Variants in MYO3B observed in about 807,000 individuals in gnomAD.
The protein encoded by MYO3B is myosin IIIB, also known as myosin-IIIb.
In MYO3B, 156 loss-of-function variants were observed where a neutral mutation model predicts 174.6. That is an observed-to-expected ratio of 0.89 (90% confidence interval 0.78 to 1.02). MYO3B has a LOEUF of 1.02. MYO3B is among the 50% of genes least tolerant of loss of function. The pLI is 0.00. For missense variants in MYO3B, 1,632 were observed against 1,639.4 expected (o/e 1.00, Z 0.08); for synonymous variants, 563 against 569.1 (o/e 0.99, Z 0.15).
chr2:170,510,782 C>T (rs140871181), intron 28 of MYO3B, among the ~76,000 whole-genome samples: 22 of 152,116 alleles, frequency 1.4e-4, no homozygotes, highest in African/African-American at 4.8e-4. Context: ...TATAGTCTTA[C>T]CTCTTCCAGA....
intron 32 of MYO3B, among the ~76,000 whole-genome samples, chr2:170,567,072 C>T (rs546586732): frequency 1.3e-5 from 2 of 152,238 alleles, no homozygotes; most frequent in East Asian, 3.9e-4. Flanking sequence ...TTGCAGGCAA[C>T]CTTCTGTGGA....
At position 170,402,970 on chromosome 2, in the gene MYO3B, A is replaced by G. The variant is rs1013839993; in HGVS notation, c.2252A>G (p.Asn751Ser). The change falls in exon 19 of 35, where the codon AAT becomes AGT. Residue 751 changes from asparagine to serine, a missense_variant. Physicochemically the swap from Asn to Ser is conservative, Grantham distance 46. Transcript: ENST00000408978. The stretch of plus-strand genomic sequence containing the variant: ...AATGAGCAAATCCAGTACTATTTCA[A>G]TCAGCATGTTTTTGCTCTTGAGCAG... ...IANEQIQYYF[N>S]QHVFALEQME... 1.8e-5 allele frequency: 29 copies of G among 1,604,134 alleles called. No homozygotes were observed. Among genetic ancestry groups the G allele is most frequent in the Non-Finnish European group, 2.5e-5 (29 of 1,172,340 alleles).
At chr2:170,602,735 G>A (rs1019993767) in intron 32 of MYO3B, among the ~76,000 whole-genome samples, 1 of 152,028 alleles carries the variant, frequency 6.6e-6, no homozygotes, top group Non-Finnish European at 1.5e-5. Flanking sequence ...AAGCTCCAGC[G>A]TCTCCCCAGA....
chr2:170,543,083 T>TTAGTGATATTTTGAAGTC, intron 31 of MYO3B, 117 bp downstream of exon 31: 3 of 773,448 alleles, frequency 3.9e-6, no homozygotes, highest in Non-Finnish European at 6.2e-6. Flanking sequence ...CTTGAAACTG[T>TTAGTGATATTTTGAAGTC]TAGTGATATT....
chr2:170,255,589 C>A (rs963471719), intron 7 of MYO3B, among the ~76,000 whole-genome samples: 2 of 151,978 alleles, frequency 1.3e-5, no homozygotes, highest in African/African-American at 2.4e-5. Context: ...GAAACGAAGC[C>A]AATTGACTGT....
chr2:170,432,579 A>AT (rs777859423), intron 22 of MYO3B, among the ~76,000 whole-genome samples: 306 of 145,322 alleles, frequency 2.1e-3, no homozygotes, highest in Non-Finnish European at 2.4e-3. Context: ...AAAAAAAGAA[A>AT]TTTTTTTTTT....
chr2:170,612,039 G>A (rs1695155532), intron 32 of MYO3B, among the ~76,000 whole-genome samples: 1 of 152,200 alleles, frequency 6.6e-6, no homozygotes, highest in Admixed American at 6.5e-5. Flanking sequence ...TAGAACAACA[G>A]TGGACTGCCT....
rs557296889 is a variant in MYO3B, at chr2:170,199,299, A to G, written c.94A>G (p.Thr32Ala). Residue 32 changes from threonine (T) to alanine (A), a missense_variant, in exon 2 of 35, where the codon ACC becomes GCC. Thr to Ala is a moderately conservative substitution (Grantham distance 58). Transcript: ENST00000408978. ...DPTDTWEIIETIGKGTYGKVY... is the reference protein window; with the variant it reads ...DPTDTWEIIEAIGKGTYGKVY... ...CACAGACACCTGGGAAATTATAGAG[A>G]CCATTGGTAAAGGCACCTATGGCAA... The G allele has an allele frequency of 6.2e-7, 1 of 1,613,408 alleles. No homozygotes were observed. Among genetic ancestry groups the G allele is most frequent in the South Asian group, 1.1e-5 (1 of 91,058 alleles).
At chr2:170,195,967 T>C (rs988446694) in intron 1 of MYO3B, among the ~76,000 whole-genome samples, 1 of 152,216 alleles carries the variant, frequency 6.6e-6, no homozygotes, top group Non-Finnish European at 1.5e-5. Context: ...TACCTTGATG[T>C]TCAGTAATTT....
intron 27 of MYO3B, 131 bp downstream of exon 27, chr2:170,499,939 C>CTTCCTTCCTTCT (rs200473473): frequency 2.9e-6 from 2 of 679,222 alleles, no homozygotes. Flanking sequence ...CCCTCCCTTC[C>CTTCCTTCCTTCT]TTCCTTCCTT....
intron 7 of MYO3B, among the ~76,000 whole-genome samples, chr2:170,254,432 C>CGG (rs887993216): frequency 6.6e-6 from 1 of 152,014 alleles, no homozygotes; most frequent in African/African-American, 2.4e-5. Flanking sequence ...CTGCGGGACT[C>CGG]GGGGGGGCGC....
chr2:170,645,468 CAA>C (rs55720994), intron 32 of MYO3B, among the ~76,000 whole-genome samples: 43 of 66,390 alleles, frequency 6.5e-4, no homozygotes, highest in Non-Finnish European at 7.4e-4. Flanking sequence ...GGCTCCGTCT[CAA>C]AAAAAAAAAA....
At chr2:170,182,934 G>A (rs2092420041) in intron 1 of MYO3B, among the ~76,000 whole-genome samples, 1 of 148,954 alleles carries the variant, frequency 6.7e-6, no homozygotes, top group African/African-American at 2.5e-5. Context: ...TTCTAATGAA[G>A]TTTAATATCA....
chr2:170,403,022 A>G, intron 19 of MYO3B, 27 bp downstream of exon 19: 1 of 1,547,998 alleles, frequency 6.5e-7, no homozygotes, highest in Non-Finnish European at 8.8e-7. Flanking sequence ...AGGTAACTAA[A>G]CTTGATGGGG....
chr2:170,201,621 T>C (rs1025343710), intron 3 of MYO3B, among the ~76,000 whole-genome samples: 1 of 152,116 alleles, frequency 6.6e-6, no homozygotes, highest in Admixed American at 6.5e-5. Flanking sequence ...ATATAAGATG[T>C]AAGGGATTTT....
chr2:170,261,018 C>G (rs997013590), intron 7 of MYO3B, among the ~76,000 whole-genome samples: 4 of 152,028 alleles, frequency 2.6e-5, no homozygotes, highest in Non-Finnish European at 5.9e-5. Context: ...TCTTTCGTTT[C>G]TTTTTGTTTT....
chr2:170,607,359 A>G (rs1174830163), intron 32 of MYO3B, among the ~76,000 whole-genome samples: 2 of 152,242 alleles, frequency 1.3e-5, no homozygotes, highest in African/African-American at 4.8e-5. Flanking sequence ...GCTATACTAC[A>G]TGGGTCAGCT....
chr2:170,582,456 C>G (rs897009115), intron 32 of MYO3B, among the ~76,000 whole-genome samples: 2 of 152,150 alleles, frequency 1.3e-5, no homozygotes, highest in African/African-American at 2.4e-5. Context: ...TGAGCTGAAT[C>G]CAACCATACA....
rs1359216008 is a variant in MYO3B, at chr2:170,200,175, A to AATAC, written c.214_217dup (p.Asn73IlefsTer9). 6.2e-7 allele frequency: 1 copy of AATAC among 1,613,138 alleles called. No individual in the cohort carries two copies. Among genetic ancestry groups the AATAC allele is most frequent in the African/African-American group, 1.3e-5 (1 of 74,884 alleles). On this transcript the variant is annotated frameshift_variant, in exon 3 of 35. Transcript: ENST00000408978. LOFTEE classifies it high-confidence loss of function. The stretch of plus-strand genomic sequence containing the variant: ...GATATGGATGAAGAAATTGAGGCAG[A>AATAC]ATACAACATTTTGCAGTTCCTTCCT...
Sources: allele counts gnomAD v4.1 joint callset (sites outside exome capture counted in the v4.1 genomes callset), GRCh38; gene constraint gnomAD v4.1.1; transcripts MANE v1.5; gene names NCBI Gene and HGNC (gene_info 2026-07-23, HGNC 2026-07-21).